Variants in EXOC6 observed in about 807,000 individuals in gnomAD.
EXOC6 encodes exocyst complex component 6, also known as SEC15-like 1.
In EXOC6, 60 loss-of-function variants were observed where a neutral mutation model predicts 112.5. That is an observed-to-expected ratio of 0.53 (90% CI 0.43 to 0.66). The LOEUF is 0.66. Among genes scored for constraint, EXOC6 ranks in the 30% least tolerant of loss-of-function variants. The probability of loss-of-function intolerance (pLI) is 0.00; values close to 1 mark genes in which losing one functional copy is unlikely to be tolerated. For missense variants in EXOC6, 855 were observed against 957.1 expected, an observed-to-expected ratio of 0.89 and a Z score of 1.41; for synonymous variants, 295 against 308.0, an observed-to-expected ratio of 0.96 and a Z score of 0.44.
At chr10:92,860,917 G>T (rs960749097) in intron 1 of EXOC6, among the ~76,000 whole-genome samples, 1 of 151,888 alleles carries the variant, frequency 6.6e-6, no homozygotes, top group African/African-American at 2.4e-5. Flanking sequence ...CAGTGAACAT[G>T]GGTGTACCAA....
At chr10:93,010,926 T>G (rs914415134) in intron 19 of EXOC6, among the ~76,000 whole-genome samples, 3 of 152,094 alleles carry the variant, frequency 2.0e-5, no homozygotes, top group Admixed American at 2.0e-4. Flanking sequence ...TATCATTAAT[T>G]TTGACATTGA....
At position 92,952,336 on chromosome 10, in the gene EXOC6, G is replaced by T; in HGVS notation, c.1480G>T (p.Glu494Ter). The T allele has an allele frequency of 6.2e-7, 1 of 1,612,896 alleles. No individual in the cohort carries two copies. Among genetic ancestry groups the T allele is most frequent in the Non-Finnish European group, 8.5e-7 (1 of 1,179,282 alleles). Residue 494 changes from glutamate to a stop codon, truncating the protein, a stop_gained, in exon 15 of 22, where the codon GAA becomes TAA. Transcript: ENST00000260762. LOFTEE classifies it high-confidence loss of function. ...GCCTCATATTTACATTCAAGTTAAA[G>T]AATTTATTTATGCCAGCCTTAAATT... Reference protein sequence around the residue: ...SVPHIYIQVKEFIYASLKFSE... With the variant: ...SVPHIYIQVK
intron 20 of EXOC6, among the ~76,000 whole-genome samples, chr10:93,019,734 A>T (rs796172592): frequency 1.2e-4 from 19 of 152,326 alleles, no homozygotes; most frequent in African/African-American, 4.6e-4. Flanking sequence ...TGACCTTGGG[A>T]TAAGTAAAAA....
intron 20 of EXOC6, among the ~76,000 whole-genome samples, chr10:93,038,162 T>A (rs1010241231): frequency 1.3e-5 from 2 of 152,084 alleles, no homozygotes; most frequent in African/African-American, 4.8e-5. Context: ...GTTTAAATAT[T>A]TAAATGCTTT....
At chr10:92,841,957 T>C (rs1289689197) in intron 1 of EXOC6, among the ~76,000 whole-genome samples, 1 of 152,160 alleles carries the variant, frequency 6.6e-6, no homozygotes, top group Non-Finnish European at 1.5e-5. Flanking sequence ...CTGGGTGCCG[T>C]TGATACAGCA....
intron 4 of EXOC6, among the ~76,000 whole-genome samples, chr10:92,896,169 ATATATATATATATTTTTTTTTTTT>A (rs1564809971): frequency 1.1e-3 from 27 of 24,586 alleles, no homozygotes; most frequent in Admixed American, 4.0e-3. Flanking sequence ...ATATATATAT[ATATATATATATATTTTTTTTTTTT>A]TTTTTTTTTT....
intron 18 of EXOC6, among the ~76,000 whole-genome samples, chr10:92,993,913 C>G (rs1298151871): frequency 6.6e-6 from 1 of 152,142 alleles, no homozygotes; most frequent in Non-Finnish European, 1.5e-5. Flanking sequence ...AAGTGTCAAT[C>G]AAGGTCTCAC....
At chr10:92,935,575 T>TA (rs1852294092) in intron 11 of EXOC6, among the ~76,000 whole-genome samples, 1 of 152,134 alleles carries the variant, frequency 6.6e-6, no homozygotes, top group Admixed American at 6.5e-5. Flanking sequence ...ACTAGTTCCT[T>TA]AAAATCTAAA....
At chr10:92,911,938 CGT>C (rs72368133) in intron 6 of EXOC6, among the ~76,000 whole-genome samples, 35,948 of 135,650 alleles carry the variant, frequency 0.27, 4,207 homozygotes, top group Middle Eastern at 0.33. Flanking sequence ...TCTCTGTGTG[CGT>C]GTGTGTGTGT....
At chr10:92,961,957 T>G (rs1489399999) in intron 17 of EXOC6, among the ~76,000 whole-genome samples, 1 of 152,136 alleles carries the variant, frequency 6.6e-6, no homozygotes, top group Admixed American at 6.5e-5. Context: ...GGTAAAAATG[T>G]AGCAGCCACT....
intron 20 of EXOC6, among the ~76,000 whole-genome samples, chr10:93,022,932 A>G (rs835258): frequency 0.05 from 7,506 of 151,594 alleles, 433 homozygotes; most frequent in African/African-American, 0.14. Flanking sequence ...ACCACCAAAT[A>G]TAAAGGGGTT....
chr10:92,876,316 G>A (rs1252811848), intron 1 of EXOC6, among the ~76,000 whole-genome samples: 1 of 152,150 alleles, frequency 6.6e-6, no homozygotes, highest in Non-Finnish European at 1.5e-5. Context: ...CATTGCCAAT[G>A]TTTTAAACAC....
intron 4 of EXOC6, among the ~76,000 whole-genome samples, chr10:92,898,606 C>T (rs1475920522): frequency 6.6e-6 from 1 of 152,028 alleles, no homozygotes; most frequent in Non-Finnish European, 1.5e-5. Flanking sequence ...TTGCAGCAGG[C>T]TCTCTCCCAG....
At chr10:92,904,133 G>A (rs1850320245) in intron 5 of EXOC6, among the ~76,000 whole-genome samples, 1 of 152,028 alleles carries the variant, frequency 6.6e-6, no homozygotes, top group South Asian at 2.1e-4. Context: ...TTTGTGACTT[G>A]ATAACTTATT....
At chr10:93,040,317 C>T (rs1290049213) in intron 20 of EXOC6, among the ~76,000 whole-genome samples, 1 of 152,070 alleles carries the variant, frequency 6.6e-6, no homozygotes, top group Non-Finnish European at 1.5e-5. Flanking sequence ...GGCGTGATCT[C>T]GGCTCACTGC....
intron 13 of EXOC6, among the ~76,000 whole-genome samples, chr10:92,943,239 C>T (rs528260428): frequency 6.6e-6 from 1 of 152,182 alleles, no homozygotes; most frequent in East Asian, 1.9e-4. Flanking sequence ...AGGATGGTCT[C>T]GATCTCCTGA....
chr10:92,855,928 G>A (rs995382094), intron 1 of EXOC6, among the ~76,000 whole-genome samples: 1 of 151,916 alleles, frequency 6.6e-6, no homozygotes, highest in African/African-American at 2.4e-5. Context: ...GCAGTAGCGC[G>A]ATCTTGGCTC....
At chr10:92,863,641 G>GGTGGCTCACGCCTGTAA (rs1386720113) in intron 1 of EXOC6, among the ~76,000 whole-genome samples, 2 of 151,934 alleles carry the variant, frequency 1.3e-5, no homozygotes, top group Non-Finnish European at 2.9e-5. Context: ...AGTCCGGTGC[G>GGTGGCTCACGCCTGTAA]GTGGCTCACG....
intron 19 of EXOC6, chr10:92,999,140 G>A: frequency 2.8e-6 from 1 of 360,262 alleles, no homozygotes; most frequent in Admixed American, 4.1e-5. Flanking sequence ...CCAAAGTGCT[G>A]GGATTATAGG....
Sources: allele counts gnomAD v4.1 joint callset (sites outside exome capture counted in the v4.1 genomes callset), GRCh38; gene constraint gnomAD v4.1.1; transcripts MANE v1.5; gene names NCBI Gene and HGNC (gene_info 2026-07-23, HGNC 2026-07-21).